ZNF385D: variants seen among roughly 807,000 people sequenced by gnomAD.
ZNF385D encodes zinc finger protein 385D.
Under a neutral mutation model 35.8 loss-of-function variants are expected in ZNF385D, and 15 were observed. The ratio of observed to expected loss-of-function variants is 0.42; its 90% CI spans 0.28 to 0.64. The LOEUF is 0.64. ZNF385D is among the 30% of genes least tolerant of loss of function. The pLI, the probability that ZNF385D is intolerant of heterozygous loss-of-function variation, is 0.23. For synonymous variants in ZNF385D, 212 were observed against 186.8 expected, an observed-to-expected ratio of 1.13 and a Z score of -1.10; for missense variants, 474 against 494.6, an observed-to-expected ratio of 0.96 and a Z score of 0.39.
rs181428583 is a variant in ZNF385D, at chr3:22,026,730, T to C, written c.325+142087A>G. On this transcript the variant is annotated intron_variant, in intron 3 of 5. Coordinates refer to the ZNF385D transcript ENST00000494108. Reference sequence around the variant, plus strand: ...AAGGCCAAATGGAAGCCATTAGAGCTGCCTCTACCTAGAAAAATAGTAAAT... The same window carrying C: ...AAGGCCAAATGGAAGCCATTAGAGCCGCCTCTACCTAGAAAAATAGTAAAT... Among the ~76,000 whole-genome samples the C allele has an allele frequency of 2.1e-3, 315 of 152,330 alleles. 2 individuals carry two copies. Among genetic ancestry groups the C allele is most frequent in the African/African-American group, 7.1e-3 (296 of 41,572 alleles).
At chr3:21,811,730 T>C (rs12485762) in intron 3 of ZNF385D, among the ~76,000 whole-genome samples, 37,556 of 152,072 alleles carry the variant, frequency 0.25, 4,877 homozygotes, top group Middle Eastern at 0.31. Context: ...TACCTATTTA[T>C]AAAAGAATTA....
chr3:22,314,382 C>T (rs906853597), intron 2 of ZNF385D, among the ~76,000 whole-genome samples: 5 of 152,154 alleles, frequency 3.3e-5, no homozygotes, highest in African/African-American at 1.2e-4. Flanking sequence ...GTTTGGTTTT[C>T]CATTCCTGAG....
At chr3:21,427,041 T>C (rs1029049346) in intron 5 of ZNF385D, among the ~76,000 whole-genome samples, 7 of 152,154 alleles carry the variant, frequency 4.6e-5, no homozygotes, top group Non-Finnish European at 8.8e-5. Flanking sequence ...AATTGAAACG[T>C]GGAACCAGAG....
intron 2 of ZNF385D, among the ~76,000 whole-genome samples, chr3:21,612,995 T>A (rs1483593546): frequency 1.1e-4 from 2 of 17,772 alleles, no homozygotes; most frequent in Non-Finnish European, 1.9e-4. Flanking sequence ...TCTTTTTTCT[T>A]TTTTTTTTTT....
At position 22,348,732 on chromosome 3, in the gene ZNF385D, T is replaced by C. The variant is rs572605738; in HGVS notation, c.106+23718A>G. Reference sequence around the variant, plus strand: ...GAGAGAGAAAGTAGGGTACAGGCACTTATAGGGGAATATCATGTGAAGAGT... The same window carrying C: ...GAGAGAGAAAGTAGGGTACAGGCACCTATAGGGGAATATCATGTGAAGAGT... On this transcript the variant is annotated intron_variant, in intron 2 of 5. Coordinates refer to the ZNF385D transcript ENST00000494108. Among the ~76,000 whole-genome samples the C allele has an allele frequency of 2.0e-5, 3 of 151,994 alleles. No homozygotes were observed. The East Asian group carries it at 5.8e-4, about 29-fold the overall frequency.
chr3:21,943,060 T>C (rs1025883881), intron 3 of ZNF385D, among the ~76,000 whole-genome samples: 8 of 152,086 alleles, frequency 5.3e-5, no homozygotes, highest in East Asian at 1.9e-4. Flanking sequence ...ATAAAAACTG[T>C]ATCAGAAAAG....
At chr3:22,057,617 C>G (rs932038562) in intron 3 of ZNF385D, among the ~76,000 whole-genome samples, 11 of 150,996 alleles carry the variant, frequency 7.3e-5, no homozygotes, top group Non-Finnish European at 1.3e-4. Flanking sequence ...TGAAGCAATT[C>G]TCTTGTCTCA....
At chr3:21,804,191 A>C (rs889465733) in intron 3 of ZNF385D, among the ~76,000 whole-genome samples, 3 of 152,220 alleles carry the variant, frequency 2.0e-5, no homozygotes, top group African/African-American at 7.2e-5. Flanking sequence ...AAATGAAAAC[A>C]TATTTTATGT....
At position 21,765,043 on chromosome 3, in the gene ZNF385D, G is replaced by A. The variant is rs144358672; in HGVS notation, c.326-100015C>T. On this transcript the variant is annotated intron_variant, in intron 3 of 5. Coordinates refer to the ZNF385D transcript ENST00000494108. ...GTAAATAAAGTCTTGGATATCTGCA[G>A]TGGCCAGAAATGTTTTCTTTTTTCT... 2.4e-3 allele frequency among the ~76,000 whole-genome samples: 371 copies of A among 152,242 alleles called. 1 individual carries two copies. Among genetic ancestry groups the A allele is most frequent in the African/African-American group, 8.6e-3 (359 of 41,558 alleles).
chr3:21,444,732 G>A (rs1329759041), intron 4 of ZNF385D, among the ~76,000 whole-genome samples: 1 of 152,110 alleles, frequency 6.6e-6, no homozygotes. Flanking sequence ...CATAGGGACC[G>A]GCCATTTTCT....
intron 4 of ZNF385D, among the ~76,000 whole-genome samples, chr3:21,492,389 CAAACAA>C (rs911466751): frequency 9.3e-6 from 1 of 107,018 alleles, no homozygotes; most frequent in Admixed American, 9.4e-5. Context: ...TTTTTATAAA[CAAACAA>C]AAACAAACAA....
chr3:21,666,345 G>C (rs576359843), intron 1 of ZNF385D, among the ~76,000 whole-genome samples: 11 of 152,154 alleles, frequency 7.2e-5, no homozygotes, highest in Non-Finnish European at 1.6e-4. Flanking sequence ...CCATACACAA[G>C]AACCATCAGC....
intron 3 of ZNF385D, among the ~76,000 whole-genome samples, chr3:21,809,650 A>T (rs2072816434): frequency 7.6e-6 from 1 of 131,496 alleles, no homozygotes. Context: ...ATATACATAT[A>T]CATATACATA....
chr3:21,542,694 G>A (rs909428606), intron 3 of ZNF385D: 4 of 152,212 alleles, frequency 2.6e-5, no homozygotes, highest in East Asian at 1.9e-4. Flanking sequence ...TGCCCACTGA[G>A]GTGTAGCCTC....
At chr3:21,920,672 G>A (rs1312833104) in intron 3 of ZNF385D, among the ~76,000 whole-genome samples, 1 of 150,588 alleles carries the variant, frequency 6.6e-6, no homozygotes, top group East Asian at 2.0e-4. Flanking sequence ...TCATGCTCTA[G>A]GATACTATAA....
chr3:22,148,565 A>G (rs1303184643), intron 3 of ZNF385D, among the ~76,000 whole-genome samples: 1 of 152,234 alleles, frequency 6.6e-6, no homozygotes, highest in Non-Finnish European at 1.5e-5. Flanking sequence ...TGAGTAAACA[A>G]GTGAAACTCA....
intron 3 of ZNF385D, among the ~76,000 whole-genome samples, chr3:21,519,172 C>T (rs1707765720): frequency 6.6e-6 from 1 of 152,054 alleles, no homozygotes. Context: ...TTCTCATACA[C>T]CACCACTACT....
At chr3:21,535,454 C>T (rs896562202) in intron 3 of ZNF385D, among the ~76,000 whole-genome samples, 3 of 152,172 alleles carry the variant, frequency 2.0e-5, no homozygotes, top group Non-Finnish European at 2.9e-5. Flanking sequence ...AAGATCACAT[C>T]GCATGGCAAC....
At chr3:22,196,398 A>G (rs1182020799) in intron 2 of ZNF385D, among the ~76,000 whole-genome samples, 1 of 151,984 alleles carries the variant, frequency 6.6e-6, no homozygotes, top group Non-Finnish European at 1.5e-5. Context: ...TCACTTGATT[A>G]TATTATTTAC....
Sources: allele counts gnomAD v4.1 joint callset (sites outside exome capture counted in the v4.1 genomes callset), GRCh38; gene constraint gnomAD v4.1.1; transcripts MANE v1.5; gene names NCBI Gene and HGNC (gene_info 2026-07-23, HGNC 2026-07-21).